ITPR1: variants seen among roughly 807,000 people sequenced by gnomAD.
The protein encoded by ITPR1 is inositol 1,4,5-trisphosphate receptor type 1.
In ITPR1, 96 loss-of-function variants were observed where a neutral mutation model predicts 318.4. That is an observed-to-expected ratio of 0.30 (90% CI 0.26 to 0.36). ITPR1 has a LOEUF of 0.36. ITPR1 is among the 10% of genes least tolerant of loss of function. ITPR1 has a pLI of 1.00. For synonymous variants in ITPR1, 1,312 were observed against 1,289.9 expected (o/e 1.02, Z -0.37); for missense variants, 2,440 against 3,460.2 (o/e 0.71, Z 7.40).
intron 39 of ITPR1, among the ~76,000 whole-genome samples, chr3:4,713,101 G>T (rs902390562): frequency 1.3e-5 from 2 of 152,100 alleles, no homozygotes; most frequent in African/African-American, 4.8e-5. Context: ...GGGGGGTACG[G>T]GGGAAGGCTG....
chr3:4,782,200 T>G (rs2046881220), intron 49 of ITPR1: 1 of 154,240 alleles, frequency 6.5e-6, no homozygotes, highest in Admixed American at 6.5e-5. Flanking sequence ...TAAATGTGAA[T>G]AGACTTCTTA....
intron 42 of ITPR1, among the ~76,000 whole-genome samples, chr3:4,732,002 G>A (rs565594365): frequency 6.6e-6 from 1 of 152,072 alleles, no homozygotes; most frequent in Non-Finnish European, 1.5e-5. Context: ...TCTTCATGAC[G>A]TACCAGAGGA....
rs573800339 is a variant in ITPR1 at position 4,552,056 on chromosome 3, C to T, written c.163+30962C>T. ...TCTGTTTTGTTTAGGATGCTTATCA[C>T]AGTTCTAATGCAGAAATTATTTGGA... On this transcript the variant is annotated intron_variant, in intron 4 of 61. Transcript: ENST00000649015. 3.9e-5 allele frequency among the ~76,000 whole-genome samples: 6 copies of T among 152,298 alleles called. No individual in the cohort carries two copies. In the East Asian group the frequency reaches 1.2e-3, roughly 29 times the overall value.
chr3:4,656,869 A>G (rs1015784394), intron 12 of ITPR1, among the ~76,000 whole-genome samples: 6 of 152,242 alleles, frequency 3.9e-5, no homozygotes, highest in East Asian at 1.9e-4. Context: ...GATGTTAGAC[A>G]TGGAAAATCA....
intron 43 of ITPR1, 65 bp from the exon 44 acceptor site, chr3:4,735,099 T>G: frequency 7.8e-7 from 1 of 1,284,598 alleles, no homozygotes; most frequent in Non-Finnish European, 1.1e-6. Flanking sequence ...TGGTGCGTAG[T>G]AAGTATGCAG....
chr3:4,719,605 C>T (rs1406028705), intron 40 of ITPR1, among the ~76,000 whole-genome samples: 1 of 152,190 alleles, frequency 6.6e-6, no homozygotes, highest in East Asian at 1.9e-4. Context: ...AGGGCCTGCC[C>T]AGTGGCCCAC....
intron 4 of ITPR1, among the ~76,000 whole-genome samples, chr3:4,575,952 C>T (rs1210784811): frequency 6.7e-6 from 1 of 149,466 alleles, no homozygotes; most frequent in African/African-American, 2.5e-5. Context: ...CCCGGGAGGT[C>T]GAGGCTGCAG....
intron 44 of ITPR1, among the ~76,000 whole-genome samples, chr3:4,736,851 T>G (rs1430030088): frequency 1.3e-5 from 2 of 152,178 alleles, no homozygotes; most frequent in Non-Finnish European, 1.5e-5. Flanking sequence ...ATTGAGCCCT[T>G]TCTGCGTATG....
At chr3:4,815,773 A>G (rs2049254395) in intron 59 of ITPR1, among the ~76,000 whole-genome samples, 1 of 152,172 alleles carries the variant, frequency 6.6e-6, no homozygotes, top group Non-Finnish European at 1.5e-5. Context: ...GCTACTAAAT[A>G]TATAAATTTC....
intron 5 of ITPR1, among the ~76,000 whole-genome samples, chr3:4,635,516 ATTTTT>A (rs551817210): frequency 6.1e-5 from 9 of 146,712 alleles, no homozygotes; most frequent in Admixed American, 3.4e-4. Context: ...AATTTTTTGT[ATTTTT>A]TTTTTAGTAG....
chr3:4,845,015 A>G (rs2106557575), intron 61 of ITPR1, among the ~76,000 whole-genome samples: 1 of 152,362 alleles, frequency 6.6e-6, no homozygotes, highest in Non-Finnish European at 1.5e-5. Context: ...CTACTATGTG[A>G]CAGATGCTAT....
At chr3:4,654,429 G>A (rs1455916453) in intron 12 of ITPR1, among the ~76,000 whole-genome samples, 1 of 152,210 alleles carries the variant, frequency 6.6e-6, no homozygotes, top group Non-Finnish European at 1.5e-5. Flanking sequence ...AATTTTAAGT[G>A]CAAAATGGCT....
At chr3:4,706,432 A>G in intron 37 of ITPR1, 81 bp downstream of exon 37, 1 of 1,273,104 alleles carries the variant, frequency 7.9e-7, no homozygotes, top group South Asian at 1.5e-5. Flanking sequence ...CTTGAGCCAC[A>G]GAGCATCTAA....
chr3:4,784,196 A>ATTT, intron 51 of ITPR1, among the ~76,000 whole-genome samples: 1 of 152,110 alleles, frequency 6.6e-6, no homozygotes, highest in Non-Finnish European at 1.5e-5. Flanking sequence ...CAGCAGAGGG[A>ATTT]CCTGCTGTAG....
rs115693442 is a variant in ITPR1 at position 4,547,170 on chromosome 3, T to C, written c.163+26076T>C. ...TTACAGTCTCTTCACTGTCTCAGATTCCCTCACGTCCCTGATAAACTTTAA... is the reference window on the plus strand; with the variant it reads ...TTACAGTCTCTTCACTGTCTCAGATCCCCTCACGTCCCTGATAAACTTTAA... On this transcript the variant is annotated intron_variant, in intron 4 of 61. Coordinates refer to ENST00000649015, the MANE Select transcript of ITPR1 (RefSeq NM_001378452.1). 7.1e-3 allele frequency among the ~76,000 whole-genome samples: 1,084 copies of C among 152,322 alleles called. 11 individuals are homozygous for C. The highest frequency in any genetic ancestry group is 0.025 in the African/African-American group (1,037 of 41,552).
At chr3:4,758,821 C>T (rs1167336292) in intron 44 of ITPR1, among the ~76,000 whole-genome samples, 2 of 152,196 alleles carry the variant, frequency 1.3e-5, no homozygotes, top group African/African-American at 2.4e-5. Context: ...ATTTACTTAA[C>T]CTCATTTGTG....
chr3:4,744,140 T>C (rs959374957), intron 44 of ITPR1, among the ~76,000 whole-genome samples: 2 of 152,176 alleles, frequency 1.3e-5, no homozygotes, highest in African/African-American at 4.8e-5. Context: ...TGGCTAGGAA[T>C]TTGTTTCTAA....
chr3:4,552,677 A>G (rs1451874417), intron 4 of ITPR1, among the ~76,000 whole-genome samples: 2 of 152,146 alleles, frequency 1.3e-5, no homozygotes, highest in Non-Finnish European at 1.5e-5. Flanking sequence ...TGTAAGCATG[A>G]TTGATTAAAT....
At chr3:4,824,261 G>A (rs1180505382) in intron 60 of ITPR1, among the ~76,000 whole-genome samples, 2 of 152,208 alleles carry the variant, frequency 1.3e-5, no homozygotes, top group African/African-American at 4.8e-5. Flanking sequence ...TAGCTCGTGT[G>A]TAATCAGTGT....
Sources: gnomAD v4.1 joint callset for allele counts (sites outside exome capture counted in the v4.1 genomes callset) on GRCh38, gnomAD v4.1.1 for gene constraint, MANE v1.5 for transcripts, NCBI Gene and HGNC (gene_info 2026-07-23, HGNC 2026-07-21) for gene names.